LIMS2: variants seen among roughly 807,000 people sequenced by gnomAD.
LIMS2 encodes LIM zinc finger domain containing 2.
In LIMS2, 30 loss-of-function variants were observed where a neutral mutation model predicts 45.3. The ratio of observed to expected loss-of-function variants is 0.66; its 90% CI spans 0.50 to 0.90. The LOEUF is 0.90. LIMS2 is among the 40% of genes least tolerant of loss of function. The pLI is 0.00. For synonymous variants in LIMS2, 173 were observed against 188.0 expected, an observed-to-expected ratio of 0.92 and a Z score of 0.65; for missense variants, 485 against 468.7, an observed-to-expected ratio of 1.03 and a Z score of -0.32.
intron 1 of LIMS2, among the ~76,000 whole-genome samples, chr2:127,663,524 A>G (rs1172032895): frequency 6.6e-6 from 1 of 152,182 alleles, no homozygotes; most frequent in Non-Finnish European, 1.5e-5. Context: ...CAAGGAGCTG[A>G]GAGTGGGCTA....
chr2:127,664,260 T>C lies in LIMS2; in HGVS notation c.12-6698A>G. 8.2e-7 allele frequency: 1 copy of C among 1,226,176 alleles called. No homozygotes were observed. The allele number at this position is 1,226,176 out of a possible 1,614,324, so 76.0% of individuals were successfully genotyped here. A position where few individuals can be genotyped will look rare whatever the true frequency, so the allele number is the denominator to read the frequency against. On this transcript the variant is annotated intron_variant, in intron 1 of 9. Coordinates refer to ENST00000355119, the MANE Select transcript of LIMS2 (RefSeq NM_001161403.3). The surrounding 1 kb of genome is among the most constrained non-coding windows in gnomAD (Gnocchi z 5.5). ...GGAAGGCCTGCCCTGCCGCCGCAGC[T>C]TTCCGGCCATTGTCCCCGCCACCCG...
At chr2:127,641,898 C>T (rs1204501739) in intron 6 of LIMS2, 151 bp downstream of exon 6, 3 of 897,164 alleles carry the variant, frequency 3.3e-6, no homozygotes, top group South Asian at 4.1e-5. Flanking sequence ...TGGCTGAGCA[C>T]AGGGAGGGGC....
In LIMS2 at chr2:127,671,358, G is replaced by A. The variant is rs1400102786; in HGVS notation, c.11+3656C>T. Among the ~76,000 whole-genome samples the A allele has an allele frequency of 6.6e-6, 1 of 151,972 alleles. No individual in the cohort carries two copies. Among genetic ancestry groups the A allele is most frequent in the Non-Finnish European group, 1.5e-5 (1 of 67,992 alleles). The stretch of plus-strand genomic sequence containing the variant: ...TGAGGCAAGAGAATTGCTTGAACCT[G>A]GGAGGCAGAGGTTGCAGTGAGCTGA... On this transcript the variant is annotated intron_variant, in intron 1 of 9. Coordinates refer to ENST00000355119, the MANE Select transcript of LIMS2 (RefSeq NM_001161403.3). The surrounding 1 kb of genome is among the most constrained non-coding windows in gnomAD (Gnocchi z 4.1).
rs1163974076 is a variant in LIMS2 at position 127,642,037 on chromosome 2, A to G, written c.660+12T>C. ...CCCAACCTGAGGCCACGTGTCCACC[A>G]GCCTGGCTCACCTCCACGTGCCACT... On this transcript the variant is annotated intron_variant, in intron 6 of 9. Transcript: ENST00000355119. The surrounding 1 kb of genome is among the most constrained non-coding windows in gnomAD (Gnocchi z 5.3). 2 of 1,610,094 alleles carry G rather than the reference A, an allele frequency of 1.2e-6. No individual in the cohort carries two copies. The highest frequency in any genetic ancestry group is 3.3e-5 in the Admixed American group (2 of 59,742).
intron 1 of LIMS2, among the ~76,000 whole-genome samples, chr2:127,666,319 T>C (rs1684996600): frequency 6.6e-6 from 1 of 152,114 alleles, no homozygotes. Context: ...ACTCTGCAAA[T>C]CCACCAAAGG....
At position 127,671,544 on chromosome 2, in the gene LIMS2, G is replaced by A. The variant is rs1685271685; in HGVS notation, c.11+3470C>T. 6.6e-6 allele frequency among the ~76,000 whole-genome samples: 1 copy of A among 152,210 alleles called. No homozygotes were observed. The highest frequency in any genetic ancestry group is 2.4e-5 in the African/African-American group (1 of 41,446). On this transcript the variant is annotated intron_variant, in intron 1 of 9. Coordinates refer to ENST00000355119, the MANE Select transcript of LIMS2 (RefSeq NM_001161403.3). This position sits in a 1 kb window ranked among gnomAD's most constrained non-coding sequence, Gnocchi z 4.1. ...GCTCCTCTCCCCAGTGGCTCCCTGG[G>A]CTGTCCCTTGCCAGTTCACAAGTGC...
chr2:127,657,302 G>T, intron 2 of LIMS2, 101 bp downstream of exon 2: 1 of 1,407,312 alleles, frequency 7.1e-7, no homozygotes, highest in South Asian at 1.2e-5. Flanking sequence ...TCCAGACCTG[G>T]CCCTGTCACC....
Position 127,667,703 on chromosome 2 carries a change from A to G in LIMS2, c.11+7311T>C, listed in dbSNP as rs1685077281. On this transcript the variant is annotated intron_variant, in intron 1 of 9. Transcript: ENST00000355119. This position sits in a 1 kb window ranked among gnomAD's most constrained non-coding sequence, Gnocchi z 4.1. ...AGAAGGGAACTTCTTCAATTTGATA[A>G]GGGGCATCTACCCAAAACCCATAGC... Among the ~76,000 whole-genome samples the G allele has an allele frequency of 6.6e-6, 1 of 152,256 alleles. No homozygotes were observed. The highest frequency in any genetic ancestry group is 2.1e-4 in the South Asian group (1 of 4,834).
At chr2:127,658,502 G>T (rs1358579970) in intron 1 of LIMS2, among the ~76,000 whole-genome samples, 1 of 152,230 alleles carries the variant, frequency 6.6e-6, no homozygotes, top group Non-Finnish European at 1.5e-5. Context: ...AGTCAGTGGT[G>T]GGTTTCCTTC....
Position 127,664,226 on chromosome 2 carries a change from G to T in LIMS2, c.12-6664C>A. On this transcript the variant is annotated intron_variant, in intron 1 of 9. Transcript: ENST00000355119. The surrounding 1 kb of genome is among the most constrained non-coding windows in gnomAD (Gnocchi z 5.5). ...CACGGCGTCGGAGGGCCCCGGTCGG[G>T]TTTCCGAGGGAAGGCCTGCCCTGCC... The T allele has an allele frequency of 4.3e-6, 5 of 1,161,314 alleles. No homozygotes were observed. The highest frequency in any genetic ancestry group is 5.4e-6 in the Non-Finnish European group (5 of 933,512). 71.9% of individuals were successfully genotyped at this position (1,161,314 alleles called of 1,614,324 possible).
intron 4 of LIMS2, chr2:127,651,441 A>G (rs781109600): frequency 2.5e-6 from 4 of 1,612,822 alleles, no homozygotes; most frequent in South Asian, 2.2e-5. Context: ...GGCAGTGCGC[A>G]TGATCGCCAT....
rs1469518977 is a variant in LIMS2 at position 127,647,167 on chromosome 2, ACT to A, written c.360-4097_360-4096del. On this transcript the variant is annotated intron_variant, in intron 4 of 9. Transcript: ENST00000355119. This position sits in a 1 kb window ranked among gnomAD's most constrained non-coding sequence, Gnocchi z 4.3. ...AACACTCTGCCGTCACTGTCCTGAA[ACT>A]CTTCCTTTTTGAGCAAGGGGCTGCA... Among the ~76,000 whole-genome samples, 4 of 150,690 alleles carry A rather than the reference ACT, an allele frequency of 2.7e-5. No homozygotes were observed. Among genetic ancestry groups the A allele is most frequent in the Admixed American group, 1.3e-4 (2 of 15,140 alleles).
chr2:127,668,707 AAAAACAC>A (rs1685148926), intron 1 of LIMS2, among the ~76,000 whole-genome samples: 1 of 132,904 alleles, frequency 7.5e-6, no homozygotes, highest in African/African-American at 3.1e-5. Flanking sequence ...AAAAAAAAAA[AAAAACAC>A]CTTACTTAAA....
rs1275548119 is a variant in LIMS2 at position 127,642,563 on chromosome 2, G to C, written c.509+360C>G. Reference sequence around the variant, plus strand: ...GGACGGGGGCTGAGGGGCTGCCTATGCAACTCCTCTCTCCAACACCAGCAC... The same window carrying C: ...GGACGGGGGCTGAGGGGCTGCCTATCCAACTCCTCTCTCCAACACCAGCAC... On this transcript the variant is annotated intron_variant, in intron 5 of 9. Transcript: ENST00000355119. The surrounding 1 kb of genome is among the most constrained non-coding windows in gnomAD (Gnocchi z 5.3). The C allele has an allele frequency of 2.8e-6, 1 of 362,862 alleles. No homozygotes were observed. Among genetic ancestry groups the C allele is most frequent in the Admixed American group, 4.3e-5 (1 of 23,182 alleles). The allele number at this position is 362,862 out of a possible 1,614,324, so 22.5% of individuals were successfully genotyped here. A position where few individuals can be genotyped will look rare whatever the true frequency, so the allele number is the denominator to read the frequency against.
rs200516988 is a variant in LIMS2 at position 127,639,326 on chromosome 2, G to A, written c.981C>T (p.Thr327=). 7.4e-6 allele frequency: 12 copies of A among 1,613,900 alleles called. No individual in the cohort carries two copies. In the South Asian group the frequency reaches 1.1e-4, roughly 15 times the overall value. ...TGGCCTTGGGCTGGGCCTTGCGGGA[G>A]GTCAGCTCCGACAGCTTCTTCAGCC... ...KKRLKKLSEL[T]SRKAQPKATD... Residue 327 remains threonine, a synonymous_variant, in exon 10 of 10, where the codon ACC becomes ACT. Transcript: ENST00000355119.
chr2:127,650,728 G>C, intron 4 of LIMS2: 1 of 1,605,476 alleles, frequency 6.2e-7, no homozygotes, highest in Non-Finnish European at 8.5e-7. Context: ...TCTGACTCCA[G>C]CCAAAGCATG....
chr2:127,651,485 C>T (rs1246379930), intron 4 of LIMS2: 1 of 1,612,814 alleles, frequency 6.2e-7, no homozygotes. Flanking sequence ...GCTTCGTGCC[C>T]TACCACGTCA....
Position 127,649,083 on chromosome 2 carries a change from GA to G in LIMS2, c.359+5340del, listed in dbSNP as rs1315167396. On this transcript the variant is annotated intron_variant, in intron 4 of 9. Transcript: ENST00000355119. ...AGGAAGGAAGGAAGGAAAAAGAAAA[GA>G]AAAAAAGAAAAAAGAAAAGAAAAAA... is the stretch of plus-strand genomic sequence containing the variant. 3.1e-3 allele frequency among the ~76,000 whole-genome samples: 389 copies of G among 124,908 alleles called. 2 individuals are homozygous for G. The highest frequency in any genetic ancestry group is 7.5e-3 in the African/African-American group (268 of 35,816). The allele number at this position is 124,908 out of a possible 152,430, so 81.9% of individuals were successfully genotyped here. A position where few individuals can be genotyped will look rare whatever the true frequency, so the allele number is the denominator to read the frequency against.
upstream of LIMS2, among the ~76,000 whole-genome samples, chr2:127,675,615 G>A (rs959650272): frequency 6.6e-6 from 1 of 151,904 alleles, no homozygotes; most frequent in Non-Finnish European, 1.5e-5. Flanking sequence ...CAGCCCCGCC[G>A]GGACGCCCCG....
Sources: gnomAD v4.1 joint callset for allele counts (sites outside exome capture counted in the v4.1 genomes callset) on GRCh38, gnomAD v4.1.1 for gene constraint, Gnocchi (gnomAD v3.1) non-coding constraint, MANE v1.5 for transcripts, NCBI Gene and HGNC (gene_info 2026-07-23, HGNC 2026-07-21) for gene names.